CLDN10: variants seen among roughly 807,000 people sequenced by gnomAD.
CLDN10 encodes the protein claudin 10.
CLDN10 carries 15 observed loss-of-function variants against 22.9 expected under a neutral mutation model. The ratio of observed to expected loss-of-function variants is 0.65; its 90% CI spans 0.44 to 1.01. The LOEUF (loss-of-function observed/expected upper bound fraction) is 1.01. CLDN10 is among the 50% of genes least tolerant of loss of function. The probability of loss-of-function intolerance (pLI) is 0.00; values close to 1 mark genes in which losing one functional copy is unlikely to be tolerated. For missense variants in CLDN10, 247 were observed against 287.8 expected (o/e 0.86, Z 1.03); for synonymous variants, 114 against 111.4 (o/e 1.02, Z -0.15).
chr13:95,443,266 C>T (rs1000166169), intron 1 of CLDN10, among the ~76,000 whole-genome samples: 1 of 152,176 alleles, frequency 6.6e-6, no homozygotes, highest in Non-Finnish European at 1.5e-5. Flanking sequence ...CCTTTCTTAG[C>T]TGTAGGATAA....
intron 1 of CLDN10, among the ~76,000 whole-genome samples, chr13:95,504,414 T>C: frequency 6.6e-6 from 1 of 152,234 alleles, no homozygotes. Context: ...AGAGTCTCAC[T>C]CTGTCACCCA....
At chr13:95,440,572 A>T (rs2042315172) in intron 1 of CLDN10, among the ~76,000 whole-genome samples, 1 of 152,212 alleles carries the variant, frequency 6.6e-6, no homozygotes, top group African/African-American at 2.4e-5. Flanking sequence ...ACTACTTGGG[A>T]GGCTGAGGTG....
chr13:95,557,302 C>CT (rs2043651794), intron 1 of CLDN10, among the ~76,000 whole-genome samples: 1 of 152,114 alleles, frequency 6.6e-6, no homozygotes, highest in Admixed American at 6.5e-5. Context: ...GGTGGTGTTA[C>CT]TTGTAAGTTT....
intron 1 of CLDN10, among the ~76,000 whole-genome samples, chr13:95,442,821 C>A (rs552144605): frequency 1.3e-5 from 2 of 152,296 alleles, no homozygotes; most frequent in African/African-American, 4.8e-5. Context: ...TCAATCTTCT[C>A]ATTTGCAAAT....
chr13:95,438,693 A>G (rs2042295180), intron 1 of CLDN10, among the ~76,000 whole-genome samples: 1 of 151,964 alleles, frequency 6.6e-6, no homozygotes, highest in South Asian at 2.1e-4. Flanking sequence ...AATGGGGGTA[A>G]AGAGGCCAGG....
intron 1 of CLDN10, among the ~76,000 whole-genome samples, chr13:95,536,323 C>T (rs537530191): frequency 1.1e-4 from 17 of 152,208 alleles, no homozygotes. Flanking sequence ...GTGACATACA[C>T]CTGCAATCCC....
In CLDN10 at chr13:95,578,859, A is replaced by G. The variant is rs2043975288; in HGVS notation, c.*845A>G. The G allele has an allele frequency of 6.6e-6, 1 of 152,194 alleles. No homozygotes were observed. The highest frequency in any genetic ancestry group is 2.1e-4 in the South Asian group (1 of 4,832). 9.4% of individuals were successfully genotyped at this position (152,194 alleles called of 1,614,324 possible). A position where few individuals can be genotyped will look rare whatever the true frequency, so the allele number is the denominator to read the frequency against. On this transcript the variant is annotated 3_prime_UTR_variant, in exon 5 of 5. Coordinates refer to ENST00000299339, the MANE Select transcript of CLDN10 (RefSeq NM_006984.5). ...GACTGTAATTCATTATGACTGCTCC[A>G]GGAAGGGCTAATGGGGCCAATATAT...
At chr13:95,468,256 A>G (rs2042598292) in intron 1 of CLDN10, among the ~76,000 whole-genome samples, 2 of 151,200 alleles carry the variant, frequency 1.3e-5, no homozygotes, top group African/African-American at 4.9e-5. Context: ...TGTTTTGGTA[A>G]TTGTCTTACC....
chr13:95,453,509 C>T (rs368959380), intron 1 of CLDN10, among the ~76,000 whole-genome samples: 5 of 151,702 alleles, frequency 3.3e-5, no homozygotes, highest in African/African-American at 1.2e-4. Context: ...ATGGAGAAAC[C>T]CCATCTCTAC....
At chr13:95,576,827 T>A (rs2043936326) in intron 3 of CLDN10, among the ~76,000 whole-genome samples, 1 of 152,246 alleles carries the variant, frequency 6.6e-6, no homozygotes, top group Non-Finnish European at 1.5e-5. Flanking sequence ...TGAACTAACA[T>A]GAAAGCAAAA....
intron 1 of CLDN10, among the ~76,000 whole-genome samples, chr13:95,545,518 C>T (rs2043499163): frequency 6.6e-6 from 1 of 152,044 alleles, no homozygotes; most frequent in African/African-American, 2.4e-5. Flanking sequence ...GGCTGGGCAA[C>T]AAGAGCAAAA....
chr13:95,483,872 T>C (rs1007990870), intron 1 of CLDN10, among the ~76,000 whole-genome samples: 1 of 152,106 alleles, frequency 6.6e-6, no homozygotes, highest in African/African-American at 2.4e-5. Flanking sequence ...AAGGTGATGG[T>C]ATTGGGATGT....
chr13:95,552,617 G>A (rs547408907), upstream of CLDN10: 7 of 1,145,220 alleles, frequency 6.1e-6, no homozygotes, highest in African/African-American at 1.2e-4. Context: ...GCCCCCTGGC[G>A]CCGGGTCCGC....
chr13:95,446,993 C>T (rs1594524263), intron 1 of CLDN10, among the ~76,000 whole-genome samples: 1 of 152,130 alleles, frequency 6.6e-6, no homozygotes, highest in African/African-American at 2.4e-5. Flanking sequence ...GGCACAGAGC[C>T]GAGTGATGGC....
intron 3 of CLDN10, among the ~76,000 whole-genome samples, chr13:95,564,812 A>C (rs7323853): frequency 0.022 from 3,279 of 152,324 alleles, 107 homozygotes; most frequent in African/African-American, 0.074. Flanking sequence ...TGCAGCAGGC[A>C]CATGGCAGGC....
intron 1 of CLDN10, among the ~76,000 whole-genome samples, chr13:95,526,315 G>C (rs774632454): frequency 6.6e-6 from 1 of 151,970 alleles, no homozygotes; most frequent in East Asian, 1.9e-4. Context: ...TTCTTCAACT[G>C]TCTGCCAGTC....
At chr13:95,551,231 AAG>A (rs1401095940), upstream of CLDN10, among the ~76,000 whole-genome samples, 6 of 152,206 alleles carry the variant, frequency 3.9e-5, no homozygotes, top group Non-Finnish European at 8.8e-5. Flanking sequence ...GTAGACATTG[AAG>A]AGAGACAGAT....
At chr13:95,540,365 G>A (rs1230462923) in intron 1 of CLDN10, among the ~76,000 whole-genome samples, 5 of 150,914 alleles carry the variant, frequency 3.3e-5, no homozygotes, top group African/African-American at 1.2e-4. Context: ...GGTGGCATGC[G>A]CCTGTAATCT....
chr13:95,551,389 A>T (rs3759449), upstream of CLDN10, among the ~76,000 whole-genome samples: 96,537 of 152,024 alleles, frequency 0.64, 30,977 homozygotes, highest in Non-Finnish European at 0.69. Context: ...ATAGACAGGA[A>T]CATTGTTTTG....
Sources: allele counts gnomAD v4.1 joint callset (sites outside exome capture counted in the v4.1 genomes callset), GRCh38; gene constraint gnomAD v4.1.1; transcripts MANE v1.5; gene names NCBI Gene and HGNC (gene_info 2026-07-23, HGNC 2026-07-21).